Variants in HMGCLL1 observed in about 807,000 individuals in gnomAD.
HMGCLL1 encodes the protein 3-hydroxymethyl-3-methylglutaryl-CoA lyase, cytoplasmic.
HMGCLL1 carries 36 observed loss-of-function variants against 39.1 expected under a neutral mutation model. That is an observed-to-expected ratio of 0.92 (90% CI 0.71 to 1.22). The LOEUF (loss-of-function observed/expected upper bound fraction) is 1.22. Ranked by LOEUF, HMGCLL1 falls within the 50% of genes most tolerant of loss-of-function variation. HMGCLL1 has a pLI of 0.00. For synonymous variants in HMGCLL1, 149 were observed against 144.0 expected, an observed-to-expected ratio of 1.03 and a Z score of -0.25; for missense variants, 451 against 416.5, an observed-to-expected ratio of 1.08 and a Z score of -0.72.
At chr6:55,475,114 A>T (rs1265953675) in intron 7 of HMGCLL1, among the ~76,000 whole-genome samples, 1 of 151,568 alleles carries the variant, frequency 6.6e-6, no homozygotes, top group East Asian at 1.9e-4. Context: ...TCCCTGTGGT[A>T]CTACAGGAAG....
chr6:55,606,365 T>G, the HMGCLL1 span, among the ~76,000 whole-genome samples: 595 of 152,224 alleles, frequency 3.9e-3, 3 homozygotes, highest in Non-Finnish European at 5.2e-3. Flanking sequence ...ATTTTATATC[T>G]TGGACAGACA....
At chr6:55,597,057 C>A in the HMGCLL1 span, among the ~76,000 whole-genome samples, 8 of 123,192 alleles carry the variant, frequency 6.5e-5, no homozygotes, top group Admixed American at 9.3e-5. Context: ...TGATCAGCAA[C>A]CAAATATGTG....
the HMGCLL1 span, among the ~76,000 whole-genome samples, chr6:55,623,796 G>A: frequency 6.6e-6 from 1 of 151,370 alleles, no homozygotes; most frequent in Non-Finnish European, 1.5e-5. Flanking sequence ...TCACCATTTG[G>A]CCTTTCCCAC....
the HMGCLL1 span, among the ~76,000 whole-genome samples, chr6:55,628,816 A>T: frequency 2.6e-5 from 4 of 152,162 alleles, no homozygotes; most frequent in Non-Finnish European, 5.9e-5. Flanking sequence ...AGGAGTTTCC[A>T]TGCACAAACT....
chr6:55,627,920 TA>T, the HMGCLL1 span, among the ~76,000 whole-genome samples: 42 of 2,718 alleles, frequency 0.015, 3 homozygotes, highest in African/African-American at 0.019. Context: ...TATATATATA[TA>T]ATATATATAC....
At chr6:55,651,685 A>G in the HMGCLL1 span, among the ~76,000 whole-genome samples, 1 of 152,016 alleles carries the variant, frequency 6.6e-6, no homozygotes, top group Non-Finnish European at 1.5e-5. Flanking sequence ...CTTGTGACCT[A>G]GACTGTCCTT....
chr6:55,612,499 C>G, the HMGCLL1 span, among the ~76,000 whole-genome samples: 13 of 152,234 alleles, frequency 8.5e-5, no homozygotes, highest in East Asian at 2.5e-3. Flanking sequence ...AAAAGACAAT[C>G]CTAAGCAAAA....
the HMGCLL1 span, among the ~76,000 whole-genome samples, chr6:55,625,563 C>CT: frequency 2.5e-3 from 381 of 152,248 alleles, 1 homozygote; most frequent in African/African-American, 8.8e-3. Context: ...AGCTGCAGCA[C>CT]TACAGCCCCT....
the HMGCLL1 span, among the ~76,000 whole-genome samples, chr6:55,622,969 T>C: frequency 6.6e-6 from 1 of 152,118 alleles, no homozygotes; most frequent in African/African-American, 2.4e-5. Flanking sequence ...GTTTTGGATT[T>C]CTTCCTGGTT....
At chr6:55,478,231 T>G (rs1294977337) in intron 7 of HMGCLL1, among the ~76,000 whole-genome samples, 1 of 151,338 alleles carries the variant, frequency 6.6e-6, no homozygotes, top group African/African-American at 2.4e-5. Flanking sequence ...TTGCCCTTTT[T>G]CATTCCCTCT....
chr6:55,481,456 C>A (rs780484920), intron 7 of HMGCLL1, among the ~76,000 whole-genome samples: 65 of 151,992 alleles, frequency 4.3e-4, no homozygotes, highest in Non-Finnish European at 7.9e-4. Context: ...ATAGATACCC[C>A]ATTTATCCTT....
intron 5 of HMGCLL1, among the ~76,000 whole-genome samples, chr6:55,509,888 C>T (rs1027271894): frequency 1.3e-5 from 2 of 151,712 alleles, no homozygotes; most frequent in African/African-American, 4.8e-5. Context: ...AAAATGAACA[C>T]CCTAGATTCA....
At chr6:55,580,406 C>CTTTTTTTTTTTTTTTTTTTT (rs145371462), upstream of HMGCLL1, among the ~76,000 whole-genome samples, 2 of 73,266 alleles carry the variant, frequency 2.7e-5, no homozygotes, top group African/African-American at 5.8e-5. Flanking sequence ...TTTTTTCTTT[C>CTTTTTTTTTTTTTTTTTTTT]TTTTTTTTTT....
chr6:55,486,547 C>T (rs1766043768), intron 7 of HMGCLL1, among the ~76,000 whole-genome samples: 1 of 152,018 alleles, frequency 6.6e-6, no homozygotes, highest in Admixed American at 6.6e-5. Context: ...GCTGGCAATG[C>T]CTTGGAAAGA....
At chr6:55,570,931 C>T (rs1217210777) in intron 1 of HMGCLL1, among the ~76,000 whole-genome samples, 1 of 152,190 alleles carries the variant, frequency 6.6e-6, no homozygotes, top group Non-Finnish European at 1.5e-5. Flanking sequence ...TACATGGCGG[C>T]AGGCGAGAGA....
chr6:55,484,610 T>G (rs570631031), intron 7 of HMGCLL1, among the ~76,000 whole-genome samples: 1 of 152,286 alleles, frequency 6.6e-6, no homozygotes, highest in African/African-American at 2.4e-5. Context: ...GATGGCAGTT[T>G]CATCCTTCCA....
the HMGCLL1 span, among the ~76,000 whole-genome samples, chr6:55,631,836 TC>T: frequency 1.3e-5 from 2 of 151,990 alleles, no homozygotes; most frequent in African/African-American, 4.8e-5. Context: ...TTTATACTCT[TC>T]CCCCTTGGAT....
intron 1 of HMGCLL1, chr6:55,566,478 T>A (rs1224530975): frequency 5.8e-6 from 2 of 347,554 alleles, no homozygotes; most frequent in African/African-American, 4.2e-5. Context: ...AAGTTATAAG[T>A]GTAAGGTGAC....
the HMGCLL1 span, among the ~76,000 whole-genome samples, chr6:55,637,858 T>C: frequency 6.6e-6 from 1 of 151,966 alleles, no homozygotes; most frequent in African/African-American, 2.4e-5. Flanking sequence ...GACTAAATCA[T>C]TGTCACAACA....
Sources: gnomAD v4.1 joint callset for allele counts (sites outside exome capture counted in the v4.1 genomes callset) on GRCh38, gnomAD v4.1.1 for gene constraint, MANE v1.5 for transcripts, NCBI Gene and HGNC (gene_info 2026-07-23, HGNC 2026-07-21) for gene names.